The following RTN4RL2 variants were observed in gnomAD, a reference collection of about 807,000 sequenced individuals.
The protein encoded by RTN4RL2 is reticulon-4 receptor-like 2.
Under a neutral mutation model 27.8 loss-of-function variants are expected in RTN4RL2, and 9 were observed. The ratio of observed to expected loss-of-function variants is 0.32; its 90% CI spans 0.20 to 0.57. RTN4RL2 has a LOEUF of 0.57. RTN4RL2 is among the 20% of genes least tolerant of loss of function. The probability of loss-of-function intolerance (pLI) is 0.90; values close to 1 mark genes in which losing one functional copy is unlikely to be tolerated. For synonymous variants in RTN4RL2, 285 were observed against 297.9 expected, an observed-to-expected ratio of 0.96 and a Z score of 0.45; for missense variants, 436 against 596.8, an observed-to-expected ratio of 0.73 and a Z score of 2.81.
At position 57,477,035 on chromosome 11, in the gene RTN4RL2, C is replaced by T; in HGVS notation, c.*124C>T. On this transcript the variant is annotated 3_prime_UTR_variant, in exon 3 of 3. Transcript: ENST00000335099. ...GCTGCCTCCCTTTCCCCTCCCAGCT[C>T]CTCTCCTCCCCGGGGAGCAGGCCGC... The T allele has an allele frequency of 1.0e-6, 1 of 993,650 alleles. No individual in the cohort carries two copies. Among genetic ancestry groups the T allele is most frequent in the East Asian group, 3.1e-5 (1 of 32,218 alleles). 61.6% of individuals were successfully genotyped at this position (993,650 alleles called of 1,614,324 possible).
At position 57,467,513 on chromosome 11, in the gene RTN4RL2, C is replaced by T. The variant is rs368521912; in HGVS notation, c.32-96C>T. On this transcript the variant is annotated intron_variant, in intron 1 of 2. Transcript: ENST00000335099. The surrounding 1 kb of genome is among the most constrained non-coding windows in gnomAD (Gnocchi z 5.5). ...ACAGGTGTGAGCCACCATATTCAGC[C>T]GGGTCTAGGCCTTTTACCAAGTTGG... 1.3e-5 allele frequency: 19 copies of T among 1,512,146 alleles called. No homozygotes were observed. The highest frequency in any genetic ancestry group is 1.6e-5 in the Non-Finnish European group (18 of 1,137,226). 93.7% of individuals were successfully genotyped at this position (1,512,146 alleles called of 1,614,324 possible).
intron 1 of RTN4RL2, among the ~76,000 whole-genome samples, chr11:57,465,880 G>C (rs910501444): frequency 1.3e-5 from 2 of 150,852 alleles, no homozygotes; most frequent in Admixed American, 6.6e-5. Flanking sequence ...GGCTGGATGC[G>C]GTAGCTTATG....
At chr11:57,466,320 A>C (rs1943524855) in intron 1 of RTN4RL2, among the ~76,000 whole-genome samples, 1 of 152,050 alleles carries the variant, frequency 6.6e-6, no homozygotes, top group Non-Finnish European at 1.5e-5. Context: ...TTTTTAAAAA[A>C]TTAGCTGGGT....
At chr11:57,461,868 G>A (rs1046146538) in intron 1 of RTN4RL2, among the ~76,000 whole-genome samples, 5 of 151,996 alleles carry the variant, frequency 3.3e-5, no homozygotes, top group African/African-American at 1.2e-4. Context: ...GGAGGGAAGA[G>A]GAGGAGGAAG....
At chr11:57,474,067 G>A (rs1943580839) in intron 2 of RTN4RL2, among the ~76,000 whole-genome samples, 1 of 151,932 alleles carries the variant, frequency 6.6e-6, no homozygotes. Context: ...TAGGTGTTTT[G>A]AGTGGCAGGG....
Position 57,460,680 on chromosome 11 carries a change from G to T in RTN4RL2, c.-186G>T. On this transcript the variant is annotated 5_prime_UTR_variant, in exon 1 of 3. Transcript: ENST00000335099. The stretch of plus-strand genomic sequence containing the variant: ...CGCCCCGCCCCGTCCCGTCGGGGCC[G>T]ATGGCTCCTCCCGAGGCCCGCAGCC... The T allele has an allele frequency of 3.5e-6, 1 of 285,788 alleles. No homozygotes were observed. The allele number at this position is 285,788 out of a possible 1,614,324, so 17.7% of individuals were successfully genotyped here. A position where few individuals can be genotyped will look rare whatever the true frequency, so the allele number is the denominator to read the frequency against.
intron 2 of RTN4RL2, among the ~76,000 whole-genome samples, chr11:57,475,344 G>C (rs1272340780): frequency 1.3e-5 from 2 of 151,992 alleles, no homozygotes; most frequent in Non-Finnish European, 2.9e-5. Flanking sequence ...CTTCATAATT[G>C]GACCAAATCC....
rs576795335 is a variant in RTN4RL2 at position 57,464,296 on chromosome 11, G to A, written c.32-3313G>A. On this transcript the variant is annotated intron_variant, in intron 1 of 2. Transcript: ENST00000335099. ...TCCTGCAGAGTTTACCCTCAAGGCC[G>A]GAAGGAACCCTGATGCCAGGGGAAT... is the stretch of plus-strand genomic sequence containing the variant. Among the ~76,000 whole-genome samples the A allele has an allele frequency of 6.6e-5, 10 of 152,322 alleles. 1 individual carries two copies. The South Asian group carries it at 1.2e-3, about 19-fold the overall frequency.
chr11:57,476,829 C>T lies in RTN4RL2; in HGVS notation c.1181C>T (p.Pro394Leu), dbSNP rs765690849. 6.4e-7 allele frequency: 1 copy of T among 1,557,668 alleles called. No homozygotes were observed. The highest frequency in any genetic ancestry group is 1.1e-5 in the South Asian group (1 of 86,982). The stretch of plus-strand genomic sequence containing the variant: ...CCCGGCGCTGCCTGCCAGGCGCCCC[C>T]GGACTCCCGAGGCCCTGCGCTCTCG... Reference protein sequence around the residue: ...MCPGAACQAPPDSRGPALSAG... With the variant: ...MCPGAACQAPLDSRGPALSAG... Residue 394 changes from proline to leucine, a missense_variant, in exon 3 of 3, where the codon CCG (proline) becomes CTG (leucine). Pro to Leu is a moderately conservative substitution (Grantham distance 98). This residue lies in a region of RTN4RL2 where 60 missense variants were observed against 43.0 expected (regional missense o/e 1.40). Transcript: ENST00000335099. This position sits in a 1 kb window ranked among gnomAD's most constrained non-coding sequence, Gnocchi z 8.2.
intron 2 of RTN4RL2, among the ~76,000 whole-genome samples, chr11:57,475,540 C>A (rs202145892): frequency 1.8e-4 from 26 of 148,430 alleles, no homozygotes; most frequent in Admixed American, 1.4e-3. Context: ...AAAACAAAAA[C>A]AAAAATTAAA....
In RTN4RL2 at chr11:57,467,313, C is replaced by T. The variant is rs1299114502; in HGVS notation, c.32-296C>T. Among the ~76,000 whole-genome samples the T allele has an allele frequency of 6.6e-6, 1 of 152,002 alleles. No individual in the cohort carries two copies. The highest frequency in any genetic ancestry group is 1.5e-5 in the Non-Finnish European group (1 of 68,020). On this transcript the variant is annotated intron_variant, in intron 1 of 2. Transcript: ENST00000335099. This position sits in a 1 kb window ranked among gnomAD's most constrained non-coding sequence, Gnocchi z 5.5. ...ACAGCCTCAAACTCCTGGGTTCAAG[C>T]GATCCTCCTGCCTCAGCCTCCCAAG...
chr11:57,463,800 C>A (rs758771748), intron 1 of RTN4RL2, among the ~76,000 whole-genome samples: 73 of 152,038 alleles, frequency 4.8e-4, no homozygotes, highest in Non-Finnish European at 8.7e-4. Flanking sequence ...CTGGGCAGGG[C>A]AGGGACTGAG....
intron 1 of RTN4RL2, among the ~76,000 whole-genome samples, chr11:57,461,575 G>A (rs999554900): frequency 9.2e-5 from 14 of 151,792 alleles, no homozygotes; most frequent in African/African-American, 3.4e-4. Context: ...TGGGAAAAGC[G>A]TGGAGGGAAG....
Position 57,467,528 on chromosome 11 carries a change from T to A in RTN4RL2, c.32-81T>A. Reference sequence around the variant, plus strand: ...CATATTCAGCCGGGTCTAGGCCTTTTACCAAGTTGGGGGGCTGGCCCCCAG... The same window carrying A: ...CATATTCAGCCGGGTCTAGGCCTTTAACCAAGTTGGGGGGCTGGCCCCCAG... On this transcript the variant is annotated intron_variant, in intron 1 of 2. Coordinates refer to ENST00000335099, the MANE Select transcript of RTN4RL2 (RefSeq NM_178570.3). This position sits in a 1 kb window ranked among gnomAD's most constrained non-coding sequence, Gnocchi z 5.5. The A allele has an allele frequency of 1.3e-6, 2 of 1,530,894 alleles. No homozygotes were observed. The highest frequency in any genetic ancestry group is 1.8e-4 in the Middle Eastern group (1 of 5,680). 94.8% of individuals were successfully genotyped at this position (1,530,894 alleles called of 1,614,324 possible).
At chr11:57,473,222 C>T (rs937139447) in intron 2 of RTN4RL2, among the ~76,000 whole-genome samples, 1 of 152,134 alleles carries the variant, frequency 6.6e-6, no homozygotes, top group African/African-American at 2.4e-5. Flanking sequence ...GAGGCACATC[C>T]CAGAACTCAC....
Position 57,460,875 on chromosome 11 carries a change from G to T in RTN4RL2, c.10G>T (p.Gly4Trp). Reference sequence around the variant, plus strand: ...CGAGCATCGAGACAAGATGCTGCCCGGGCTCAGGCGCCTGCTGCAAGGTAA... The same window carrying T: ...CGAGCATCGAGACAAGATGCTGCCCTGGCTCAGGCGCCTGCTGCAAGGTAA... MLP[G>W]LRRLLQAPAS... The change falls in exon 1 of 3, where the codon GGG becomes TGG. Residue 4 changes from glycine (G) to tryptophan (W), a missense_variant. Coordinates refer to ENST00000335099, the MANE Select transcript of RTN4RL2 (RefSeq NM_178570.3). 1 of 1,406,356 alleles carries T rather than the reference G, an allele frequency of 7.1e-7. No homozygotes were observed. The highest frequency in any genetic ancestry group is 9.4e-7 in the Non-Finnish European group (1 of 1,066,104). The allele number at this position is 1,406,356 out of a possible 1,614,324, so 87.1% of individuals were successfully genotyped here. A position where few individuals can be genotyped will look rare whatever the true frequency, so the allele number is the denominator to read the frequency against.
chr11:57,473,583 G>A (rs1167323635), intron 2 of RTN4RL2, among the ~76,000 whole-genome samples: 1 of 130,548 alleles, frequency 7.7e-6, no homozygotes, highest in Non-Finnish European at 1.6e-5. Flanking sequence ...AGATAGGGAG[G>A]GGAGATAGGG....
At chr11:57,471,584 C>T (rs917188289) in intron 2 of RTN4RL2, among the ~76,000 whole-genome samples, 5 of 152,218 alleles carry the variant, frequency 3.3e-5, no homozygotes, top group African/African-American at 1.2e-4. Flanking sequence ...GGGTGAGATC[C>T]GCAGGGTGCA....
chr11:57,460,980 C>A, intron 1 of RTN4RL2, 84 bp downstream of exon 1: 4 of 820,686 alleles, frequency 4.9e-6, no homozygotes, highest in Non-Finnish European at 6.9e-6. Flanking sequence ...GAGGGTGGGG[C>A]AGTTGGGGAG....
Sources: allele counts gnomAD v4.1 joint callset (sites outside exome capture counted in the v4.1 genomes callset), GRCh38; gene constraint gnomAD v4.1.1; regional missense constraint gnomAD v4.1.1; non-coding constraint Gnocchi (gnomAD v3.1); transcripts MANE v1.5; gene names NCBI Gene and HGNC (gene_info 2026-07-23, HGNC 2026-07-21).